WDR47: variants seen among roughly 807,000 people sequenced by gnomAD.
WDR47 encodes the protein WD repeat-containing protein 47.
Under a neutral mutation model 97.2 loss-of-function variants are expected in WDR47, and 32 were observed. The observed-to-expected ratio is 0.33, with a 90% CI of 0.25 to 0.44. The LOEUF is 0.44. WDR47 is among the 20% of genes least tolerant of loss of function. WDR47 has a pLI of 1.00. For missense variants in WDR47, 782 were observed against 1,102.3 expected (o/e 0.71, Z 4.11); for synonymous variants, 375 against 373.5 (o/e 1.00, Z -0.05).
intron 1 of WDR47, 66 bp downstream of exon 1, chr1:109,041,796 G>A (rs1001928926): frequency 3.3e-5 from 5 of 152,310 alleles, no homozygotes; most frequent in African/African-American, 4.8e-5. Context: ...AGGAGGCGAC[G>A]GGTGACCATG....
intron 1 of WDR47, among the ~76,000 whole-genome samples, chr1:109,037,031 A>G (rs1226089665): frequency 6.6e-6 from 1 of 152,006 alleles, no homozygotes; most frequent in African/African-American, 2.4e-5. Context: ...AGCTCTTCTT[A>G]AAGTTTCAAA....
chr1:109,015,164 A>G (rs1661324207), intron 3 of WDR47, among the ~76,000 whole-genome samples: 3 of 152,234 alleles, frequency 2.0e-5, no homozygotes, highest in South Asian at 4.1e-4. Flanking sequence ...AAACGCAAAG[A>G]AATATCAAGC....
chr1:108,981,084 C>T (rs574508509), intron 13 of WDR47, among the ~76,000 whole-genome samples: 12 of 147,632 alleles, frequency 8.1e-5, no homozygotes, highest in Admixed American at 4.0e-4. Context: ...GCCAAGATCA[C>T]GCCACTGCAC....
intron 1 of WDR47, among the ~76,000 whole-genome samples, chr1:109,032,640 G>A (rs145197288): frequency 0.03 from 4,535 of 152,150 alleles, 115 homozygotes; most frequent in Non-Finnish European, 0.045. Context: ...GCTCACACCT[G>A]TAATCCCAGC....
rs1258511018 is a variant in WDR47, at chr1:109,011,555, C to G, written c.491G>C (p.Cys164Ser). The G allele has an allele frequency of 6.2e-7, 1 of 1,614,190 alleles. No individual in the cohort carries two copies. The highest frequency in any genetic ancestry group is 8.5e-7 in the Non-Finnish European group (1 of 1,180,044). ...AACCATGACACAAGCCTCTTCAAAA[C>G]AGTGAACTCGTGCGGTGCTGGGATT... ...DWNPSTARVH[C>S]FEEACVMVAE... The change falls in exon 5 of 15, where the codon TGT (cysteine) becomes TCT (serine). Residue 164 changes from cysteine to serine, a missense_variant. By Grantham distance (112) the Cys-to-Ser change is moderately radical. Coordinates refer to ENST00000369962, the MANE Select transcript of WDR47 (RefSeq NM_001142551.2).
At chr1:108,990,027 A>C (rs959028683) in intron 9 of WDR47, among the ~76,000 whole-genome samples, 1 of 152,124 alleles carries the variant, frequency 6.6e-6, no homozygotes, top group African/African-American at 2.4e-5. Context: ...GTCATTTAAA[A>C]AACTAGGTGA....
intron 5 of WDR47, 83 bp downstream of exon 5, chr1:109,010,833 C>T (rs947977645): frequency 3.3e-5 from 44 of 1,336,104 alleles, no homozygotes; most frequent in African/African-American, 4.4e-5. Flanking sequence ...CCACCCACCT[C>T]GGCCTCCCAA....
rs546307606 is a variant in WDR47 at position 109,041,178 on chromosome 1, A to G, written c.-10+684T>C. On this transcript the variant is annotated intron_variant, in intron 1 of 14. Coordinates refer to ENST00000369962, the MANE Select transcript of WDR47 (RefSeq NM_001142551.2). ...GCCTCGCCCCAGAGCTAGAGTTCCA[A>G]TATTTTTCTCCCCAATAAAGGGAAG... Among the ~76,000 whole-genome samples, 18 of 147,272 alleles carry G rather than the reference A, an allele frequency of 1.2e-4. 1 individual carries two copies. The East Asian group carries it at 2.8e-3, about 23-fold the overall frequency.
chr1:108,971,693 C>T (rs1657467670), intron 14 of WDR47, 121 bp from the exon 15 acceptor site: 1 of 1,108,078 alleles, frequency 9.0e-7, no homozygotes, highest in Non-Finnish European at 1.3e-6. Flanking sequence ...TAATATAATA[C>T]ATTGAAAGGT....
intron 6 of WDR47, among the ~76,000 whole-genome samples, chr1:109,003,472 A>T (rs1342508809): frequency 6.6e-6 from 1 of 152,102 alleles, no homozygotes; most frequent in African/African-American, 2.4e-5. Context: ...TATTAAAACC[A>T]CTTAACCCCT....
chr1:109,019,762 T>C (rs762191690), intron 2 of WDR47, among the ~76,000 whole-genome samples: 47 of 152,324 alleles, frequency 3.1e-4, no homozygotes, highest in Middle Eastern at 3.4e-3. Context: ...CAGCAAGGAA[T>C]AAGAACAAGT....
intron 1 of WDR47, among the ~76,000 whole-genome samples, chr1:109,024,249 C>T (rs1662048967): frequency 6.6e-6 from 1 of 152,008 alleles, no homozygotes; most frequent in Admixed American, 6.6e-5. Flanking sequence ...TTCAGGAGTT[C>T]GAGACCAGCC....
chr1:109,011,665 G>A lies in WDR47; in HGVS notation c.381C>T (p.Tyr127=), dbSNP rs1050556474. Residue 127 remains tyrosine (Y), a synonymous_variant, in exon 5 of 15, where the codon TAC becomes TAT. Coordinates refer to ENST00000369962, the MANE Select transcript of WDR47 (RefSeq NM_001142551.2). ...AVQCLHALEE[Y]CPSKDDYSKL... ...TACTATAGTCATCTTTAGAAGGACAGTATTCTTCTAGAGCATGTAAACATT... is the reference window on the plus strand; with the variant it reads ...TACTATAGTCATCTTTAGAAGGACAATATTCTTCTAGAGCATGTAAACATT... 6.2e-7 allele frequency: 1 copy of A among 1,613,958 alleles called. No homozygotes were observed. Among genetic ancestry groups the A allele is most frequent in the Non-Finnish European group, 8.5e-7 (1 of 1,179,952 alleles).
At position 108,991,507 on chromosome 1, in the gene WDR47, G is replaced by T. The variant is rs145211457; in HGVS notation, c.1692-178C>A. Among the ~76,000 whole-genome samples the T allele has an allele frequency of 2.8e-3, 431 of 152,304 alleles. 4 individuals carry two copies. The highest frequency in any genetic ancestry group is 1.0e-2 in the African/African-American group (415 of 41,572). On this transcript the variant is annotated intron_variant, in intron 8 of 14. Transcript: ENST00000369962. Reference sequence around the variant, plus strand: ...GGATTCAGTGGCACCAATGACAGTTGTAAGGAGGAGATGAAAAGCCATTCT... The same window carrying T: ...GGATTCAGTGGCACCAATGACAGTTTTAAGGAGGAGATGAAAAGCCATTCT...
At chr1:108,980,645 C>A (rs1160362177) in intron 13 of WDR47, among the ~76,000 whole-genome samples, 4 of 151,952 alleles carry the variant, frequency 2.6e-5, no homozygotes, top group African/African-American at 7.3e-5. Flanking sequence ...AGGACAATCA[C>A]CTGAACCTGG....
At chr1:109,020,733 A>G (rs1396151107) in intron 2 of WDR47, among the ~76,000 whole-genome samples, 1 of 152,124 alleles carries the variant, frequency 6.6e-6, no homozygotes, top group Non-Finnish European at 1.5e-5. Flanking sequence ...CTACACTATT[A>G]ACTAAGCTCC....
chr1:109,035,574 T>G (rs1181346882), intron 1 of WDR47, among the ~76,000 whole-genome samples: 5 of 151,666 alleles, frequency 3.3e-5, no homozygotes, highest in Non-Finnish European at 7.4e-5. Flanking sequence ...CTTGGCTCAT[T>G]GCAATCTCTG....
intron 14 of WDR47, 79 bp from the exon 15 acceptor site, chr1:108,971,651 GAC>G (rs1657462928): frequency 1.3e-6 from 2 of 1,482,046 alleles, no homozygotes; most frequent in Admixed American, 2.0e-5. Flanking sequence ...GTTACTTTAA[GAC>G]ATTACAGTAT....
chr1:109,013,686 A>G, intron 4 of WDR47, 155 bp downstream of exon 4: 1 of 702,382 alleles, frequency 1.4e-6, no homozygotes, highest in Admixed American at 3.2e-5. Flanking sequence ...GCGCTACAGA[A>G]TGAAAATACT....
Sources: gnomAD v4.1 joint callset for allele counts (sites outside exome capture counted in the v4.1 genomes callset) on GRCh38, gnomAD v4.1.1 for gene constraint, MANE v1.5 for transcripts, NCBI Gene and HGNC (gene_info 2026-07-23, HGNC 2026-07-21) for gene names.